Variants in XKR4 observed in about 807,000 individuals in gnomAD.
XKR4 encodes the protein XK related 4, also known as XK-related protein 4.
XKR4 carries 12 observed loss-of-function variants against 53.9 expected under a neutral mutation model. The ratio of observed to expected loss-of-function variants is 0.22; its 90% CI spans 0.14 to 0.36. The LOEUF (loss-of-function observed/expected upper bound fraction) is 0.36, where lower values mean the gene tolerates loss of function less well. XKR4 is among the 10% of genes least tolerant of loss of function. XKR4 has a pLI of 1.00. For missense variants in XKR4, 799 were observed against 859.5 expected (o/e 0.93, Z 0.88); for synonymous variants, 354 against 362.4 (o/e 0.98, Z 0.26).
At chr8:55,463,975 C>T (rs956570237) in intron 2 of XKR4, among the ~76,000 whole-genome samples, 12 of 152,086 alleles carry the variant, frequency 7.9e-5, no homozygotes, top group Non-Finnish European at 1.6e-4. Flanking sequence ...GAAATTGAGG[C>T]AATAATTAAT....
intron 1 of XKR4, among the ~76,000 whole-genome samples, chr8:55,130,316 A>G (rs1241984760): frequency 1.3e-5 from 2 of 152,200 alleles, no homozygotes; most frequent in African/African-American, 4.8e-5. Context: ...TGCTAAGGTG[A>G]CATTTGAGCA....
intron 1 of XKR4, among the ~76,000 whole-genome samples, chr8:55,158,801 A>G (rs556500872): frequency 7.9e-5 from 12 of 152,114 alleles, no homozygotes; most frequent in African/African-American, 2.7e-4. Flanking sequence ...GATGTGTGGC[A>G]TTATTTCTGA....
At chr8:55,432,211 A>G (rs1203120166) in intron 2 of XKR4, among the ~76,000 whole-genome samples, 1 of 152,200 alleles carries the variant, frequency 6.6e-6, no homozygotes, top group African/African-American at 2.4e-5. Flanking sequence ...TAGTGAACTC[A>G]GAAGCCAGGC....
At chr8:55,283,309 T>C (rs1818864920) in intron 1 of XKR4, among the ~76,000 whole-genome samples, 1 of 152,234 alleles carries the variant, frequency 6.6e-6, no homozygotes, top group Non-Finnish European at 1.5e-5. Context: ...GAAGTAGCTA[T>C]GGAATAGTGG....
rs1033337178 is a variant in XKR4 at position 55,390,258 on chromosome 8, G to A, written c.1006+32381G>A. Among the ~76,000 whole-genome samples the A allele has an allele frequency of 3.9e-5, 6 of 152,288 alleles. No individual in the cohort carries two copies. In the East Asian group the frequency reaches 1.2e-3, roughly 29 times the overall value. On this transcript the variant is annotated intron_variant, in intron 2 of 2. Coordinates refer to ENST00000327381, the MANE Select transcript of XKR4 (RefSeq NM_052898.2). ...TTCCTGTGAATCTCATCAAAAAACT[G>A]AGGAAGTTAGGTTAATGGTATCATT...
At position 55,540,269 on chromosome 8, in the gene XKR4, A is replaced by C. The variant is rs1042850072; in HGVS notation, c.*16042A>C. On this transcript the variant is annotated 3_prime_UTR_variant, in exon 3 of 3. Transcript: ENST00000327381. ...ATTTTCATGGATATTTCCCATTAAC[A>C]TTGTATTCCATGAACAAGTGATAGA... 2.0e-5 allele frequency: 3 copies of C among 152,216 alleles called. No individual in the cohort carries two copies. Among genetic ancestry groups the C allele is most frequent in the African/African-American group, 7.2e-5 (3 of 41,468 alleles). The allele number at this position is 152,216 out of a possible 1,614,324, so 9.4% of individuals were successfully genotyped here.
intron 2 of XKR4, among the ~76,000 whole-genome samples, chr8:55,442,445 A>G (rs1246637833): frequency 6.6e-6 from 1 of 152,214 alleles, no homozygotes; most frequent in African/African-American, 2.4e-5. Context: ...AAAAAGCTAA[A>G]CACAGAGGCA....
At chr8:55,301,243 G>A (rs943908667) in intron 1 of XKR4, among the ~76,000 whole-genome samples, 4 of 149,058 alleles carry the variant, frequency 2.7e-5, no homozygotes, top group Admixed American at 6.7e-5. Flanking sequence ...AGAACATGCG[G>A]TGTTTGGTTT....
intron 1 of XKR4, among the ~76,000 whole-genome samples, chr8:55,209,968 C>G (rs1039533436): frequency 3.3e-5 from 5 of 152,008 alleles, no homozygotes; most frequent in Non-Finnish European, 7.4e-5. Context: ...TTTTTGCAGA[C>G]CTAGTTATGG....
rs1027902857 is a variant in XKR4, at chr8:55,271,052, G to T, written c.807-86626G>T. Among the ~76,000 whole-genome samples the T allele has an allele frequency of 2.0e-5, 3 of 152,044 alleles. No individual in the cohort carries two copies. In the South Asian group the frequency reaches 6.2e-4, roughly 32 times the overall value. The stretch of plus-strand genomic sequence containing the variant: ...AAGAAGAACGAAGAACATGCATGTT[G>T]GTGGACAGTTGCCATCTTCTCCTCC... On this transcript the variant is annotated intron_variant, in intron 1 of 2. Coordinates refer to ENST00000327381, the MANE Select transcript of XKR4 (RefSeq NM_052898.2).
intron 2 of XKR4, among the ~76,000 whole-genome samples, chr8:55,423,328 C>T (rs967572520): frequency 2.0e-5 from 3 of 152,108 alleles, no homozygotes; most frequent in African/African-American, 4.8e-5. Flanking sequence ...CTCCTGACCT[C>T]GGGTGATCCA....
rs1807045144 is a variant in XKR4, at chr8:55,537,391, G to A, written c.*13164G>A. The A allele has an allele frequency of 1.3e-5, 2 of 152,206 alleles. No individual in the cohort carries two copies. The highest frequency in any genetic ancestry group is 4.1e-4 in the South Asian group (2 of 4,834). 9.4% of individuals were successfully genotyped at this position (152,206 alleles called of 1,614,324 possible). A position where few individuals can be genotyped will look rare whatever the true frequency, so the allele number is the denominator to read the frequency against. On this transcript the variant is annotated 3_prime_UTR_variant, in exon 3 of 3. Transcript: ENST00000327381. ...TCTCCTAATTTGACACTGGGTTGGTGAGCATTGTCTCAAATTTTGTGCTTG... is the reference window on the plus strand; with the variant it reads ...TCTCCTAATTTGACACTGGGTTGGTAAGCATTGTCTCAAATTTTGTGCTTG...
chr8:55,451,318 T>C lies in XKR4; in HGVS notation c.1007-71963T>C. ...CAGTCTGGATGCCGCCGCCATGGGGTTAGACAGAGTGGTGACCCTGGCTCT... is the reference window on the plus strand; with the variant it reads ...CAGTCTGGATGCCGCCGCCATGGGGCTAGACAGAGTGGTGACCCTGGCTCT... On this transcript the variant is annotated intron_variant, in intron 2 of 2. Transcript: ENST00000327381. 6 of 621,042 alleles carry C rather than the reference T, an allele frequency of 9.7e-6. No homozygotes were observed. In the South Asian group the frequency reaches 1.1e-4, roughly 12 times the overall value. 38.5% of individuals were successfully genotyped at this position (621,042 alleles called of 1,614,324 possible). A position where few individuals can be genotyped will look rare whatever the true frequency, so the allele number is the denominator to read the frequency against.
In XKR4 at chr8:55,300,716, A is replaced by G. The variant is rs533666081; in HGVS notation, c.807-56962A>G. On this transcript the variant is annotated intron_variant, in intron 1 of 2. Transcript: ENST00000327381. ...GCCACCTTCAGGGCAGCTTTACTAAATGTGGGGGAATAAGGTGCTTCCATC... is the reference window on the plus strand; with the variant it reads ...GCCACCTTCAGGGCAGCTTTACTAAGTGTGGGGGAATAAGGTGCTTCCATC... Among the ~76,000 whole-genome samples the G allele has an allele frequency of 2.9e-3, 448 of 152,184 alleles. 2 individuals are homozygous for G. The highest frequency in any genetic ancestry group is 0.013 in the South Asian group (64 of 4,812).
intron 1 of XKR4, among the ~76,000 whole-genome samples, chr8:55,130,725 G>A (rs1816541425): frequency 6.6e-6 from 1 of 152,148 alleles, no homozygotes; most frequent in African/African-American, 2.4e-5. Flanking sequence ...GTTCATGTAA[G>A]TTGTAGTGTA....
chr8:55,460,977 G>T (rs555614933), intron 2 of XKR4, among the ~76,000 whole-genome samples: 1 of 152,374 alleles, frequency 6.6e-6, no homozygotes, highest in East Asian at 1.9e-4. Flanking sequence ...AAACAAAGTG[G>T]CCTGGAAGCT....
chr8:55,494,738 C>G lies in XKR4; in HGVS notation c.1007-28543C>G, dbSNP rs554793605. 3.3e-5 allele frequency among the ~76,000 whole-genome samples: 5 copies of G among 152,322 alleles called. No homozygotes were observed. In the East Asian group the frequency reaches 9.7e-4, roughly 29 times the overall value. ...GTTGTCTGTCCTTTCTCCATCCTCT[C>G]TTTGAGTCTGGCTGAGTCTGGGGTT... On this transcript the variant is annotated intron_variant, in intron 2 of 2. Transcript: ENST00000327381.
intron 1 of XKR4, among the ~76,000 whole-genome samples, chr8:55,339,451 C>T (rs866966039): frequency 6.6e-6 from 1 of 152,166 alleles, no homozygotes; most frequent in Non-Finnish European, 1.5e-5. Flanking sequence ...CCTGATCATG[C>T]GTGTTCATTC....
intron 1 of XKR4, among the ~76,000 whole-genome samples, chr8:55,198,492 A>G (rs1817533470): frequency 6.6e-6 from 1 of 151,650 alleles, no homozygotes; most frequent in South Asian, 2.1e-4. Flanking sequence ...ATATTTTTAT[A>G]TGTTATAATA....
Sources: allele counts gnomAD v4.1 joint callset (sites outside exome capture counted in the v4.1 genomes callset), GRCh38; gene constraint gnomAD v4.1.1; transcripts MANE v1.5; gene names NCBI Gene and HGNC (gene_info 2026-07-23, HGNC 2026-07-21).